NRXN3: variants seen among roughly 807,000 people sequenced by gnomAD.
NRXN3 encodes neurexin III.
NRXN3 carries 32 observed loss-of-function variants against 137.6 expected under a neutral mutation model. The ratio of observed to expected loss-of-function variants is 0.23; its 90% CI spans 0.18 to 0.31. NRXN3 has a LOEUF of 0.31. Ranked by LOEUF, NRXN3 falls within the 10% of genes least tolerant of loss-of-function variation. The pLI is 1.00. For missense variants in NRXN3, 1,574 were observed against 2,062.5 expected (o/e 0.76, Z 4.59); for synonymous variants, 798 against 784.5 (o/e 1.02, Z -0.29).
chr14:78,224,833 C>G (rs956039286), intron 1 of NRXN3, among the ~76,000 whole-genome samples: 1 of 123,044 alleles, frequency 8.1e-6, no homozygotes, highest in Non-Finnish European at 1.6e-5. Flanking sequence ...GTGGCGCAAT[C>G]TCGGCTCACT....
At chr14:79,072,635 C>T (rs554413517) in intron 15 of NRXN3, 1 of 152,252 alleles carries the variant, frequency 6.6e-6, no homozygotes. Context: ...ACCAGTGTGA[C>T]TTAGCTGATA....
At chr14:79,550,935 A>T (rs963913103) in intron 16 of NRXN3, among the ~76,000 whole-genome samples, 11 of 150,340 alleles carry the variant, frequency 7.3e-5, no homozygotes, top group African/African-American at 2.7e-4. Flanking sequence ...GGGATGAGGG[A>T]GACATAAACA....
At chr14:78,629,934 A>G (rs892974543) in intron 4 of NRXN3, among the ~76,000 whole-genome samples, 3 of 152,240 alleles carry the variant, frequency 2.0e-5, no homozygotes, top group African/African-American at 7.2e-5. Context: ...AATGATTAGA[A>G]ATTAATAGCT....
intron 16 of NRXN3, among the ~76,000 whole-genome samples, chr14:79,605,553 T>C (rs576940872): frequency 4.6e-5 from 7 of 152,212 alleles, no homozygotes; most frequent in African/African-American, 1.7e-4. Flanking sequence ...AGTGGCATGA[T>C]GTCAGCTCAC....
intron 15 of NRXN3, among the ~76,000 whole-genome samples, chr14:79,240,280 G>A (rs1421787350): frequency 6.6e-6 from 1 of 152,002 alleles, no homozygotes; most frequent in Non-Finnish European, 1.5e-5. Flanking sequence ...ATATGCAAAT[G>A]TATTCCTTAT....
chr14:79,060,129 C>G (rs565490922), intron 15 of NRXN3, among the ~76,000 whole-genome samples: 4 of 152,298 alleles, frequency 2.6e-5, no homozygotes, highest in African/African-American at 9.6e-5. Context: ...TGAAATCTTG[C>G]CAGGACTTTA....
At chr14:79,385,986 C>T (rs1378560547) in intron 15 of NRXN3, among the ~76,000 whole-genome samples, 1 of 152,132 alleles carries the variant, frequency 6.6e-6, no homozygotes, top group Non-Finnish European at 1.5e-5. Flanking sequence ...GGCAAACCCA[C>T]AGCCAATATC....
In NRXN3 at chr14:79,380,763, T is replaced by C. The variant is rs188479220; in HGVS notation, c.3263-86458T>C. 3.6e-3 allele frequency among the ~76,000 whole-genome samples: 549 copies of C among 152,294 alleles called. 5 individuals are homozygous for C. Among genetic ancestry groups the C allele is most frequent in the African/African-American group, 0.013 (531 of 41,558 alleles). The stretch of plus-strand genomic sequence containing the variant: ...GTAACAACAGGTGCTGGAGAGGATG[T>C]GGAGAAATAGGAACACTTTTACACT... On this transcript the variant is annotated intron_variant, in intron 15 of 20. Coordinates refer to ENST00000335750, the MANE Select transcript of NRXN3 (RefSeq NM_001330195.2).
chr14:79,720,569 A>G (rs917515036), intron 19 of NRXN3, among the ~76,000 whole-genome samples: 1 of 151,952 alleles, frequency 6.6e-6, no homozygotes, highest in South Asian at 2.1e-4. Context: ...GATGTTCTGG[A>G]CCTCTAGAGA....
chr14:79,824,301 A>G (rs2099283935), intron 20 of NRXN3, among the ~76,000 whole-genome samples: 1 of 152,198 alleles, frequency 6.6e-6, no homozygotes, highest in Admixed American at 6.5e-5. Context: ...CTGTCACTGC[A>G]GCTACAAAGA....
rs74498609 is a variant in NRXN3, at chr14:78,278,115, C to A, written c.710-530C>A. 2.6e-3 allele frequency among the ~76,000 whole-genome samples: 389 copies of A among 152,204 alleles called. 2 individuals carry two copies. The highest frequency in any genetic ancestry group is 9.0e-3 in the African/African-American group (373 of 41,518). On this transcript the variant is annotated intron_variant, in intron 2 of 20. Coordinates refer to ENST00000335750, the MANE Select transcript of NRXN3 (RefSeq NM_001330195.2). The stretch of plus-strand genomic sequence containing the variant: ...ATTTTGTGACCTTATGTCCTTCAGT[C>A]CTATGTGGTGAATAAATCTGTAACT...
chr14:79,605,029 C>T (rs1179233100), intron 16 of NRXN3, among the ~76,000 whole-genome samples: 1 of 152,054 alleles, frequency 6.6e-6, no homozygotes, highest in Non-Finnish European at 1.5e-5. Flanking sequence ...GAGACTCCAT[C>T]TCAAAAAAAT....
chr14:79,623,083 C>T (rs1455281338), intron 16 of NRXN3, among the ~76,000 whole-genome samples: 2 of 152,116 alleles, frequency 1.3e-5, no homozygotes, highest in Non-Finnish European at 2.9e-5. Flanking sequence ...AGTCTCTATT[C>T]TGTGGCCAGG....
At chr14:79,174,501 T>TTATATATA (rs68143466) in intron 15 of NRXN3, among the ~76,000 whole-genome samples, 54,151 of 143,114 alleles carry the variant, frequency 0.38, 10,857 homozygotes, top group South Asian at 0.44. Context: ...ATTGAAAGTT[T>TTATATATA]TATATATATA....
chr14:78,361,011 C>A (rs2153605470), intron 4 of NRXN3, among the ~76,000 whole-genome samples: 1 of 152,314 alleles, frequency 6.6e-6, no homozygotes, highest in African/African-American at 2.4e-5. Context: ...CCTCAGCCAA[C>A]TTGGATTCAC....
intron 4 of NRXN3, among the ~76,000 whole-genome samples, chr14:78,427,153 G>A (rs867654358): frequency 6.6e-6 from 1 of 152,130 alleles, no homozygotes; most frequent in Non-Finnish European, 1.5e-5. Flanking sequence ...AGGAGGAGGC[G>A]GTGTCTGTGG....
intron 10 of NRXN3, among the ~76,000 whole-genome samples, chr14:78,940,961 C>T (rs926285052): frequency 1.1e-4 from 16 of 152,094 alleles, no homozygotes; most frequent in Admixed American, 3.3e-4. Flanking sequence ...CATATGTAGC[C>T]TCAAGCAGGA....
At chr14:79,389,519 T>C (rs1342515558) in intron 15 of NRXN3, among the ~76,000 whole-genome samples, 1 of 152,202 alleles carries the variant, frequency 6.6e-6, no homozygotes. Flanking sequence ...ATGGAACACA[T>C]TCAAACCATA....
At chr14:78,535,555 T>G (rs2096527309) in intron 4 of NRXN3, among the ~76,000 whole-genome samples, 1 of 152,210 alleles carries the variant, frequency 6.6e-6, no homozygotes. Context: ...CTTAATTGGA[T>G]AGTGCTTACT....
Sources: allele counts gnomAD v4.1 joint callset (sites outside exome capture counted in the v4.1 genomes callset), GRCh38; gene constraint gnomAD v4.1.1; transcripts MANE v1.5; gene names NCBI Gene and HGNC (gene_info 2026-07-23, HGNC 2026-07-21).